The following FAAH2 variants were observed in gnomAD, a reference collection of about 807,000 sequenced individuals.
FAAH2 encodes the protein fatty-acid amide hydrolase 2.
In FAAH2, 60 loss-of-function variants were observed where a neutral mutation model predicts 36.9. The observed-to-expected ratio is 1.63, with a 90% CI of 1.32 to 2.02. The LOEUF (loss-of-function observed/expected upper bound fraction) is 2.02, where lower values mean the gene tolerates loss of function less well. Among genes scored for constraint, FAAH2 ranks in the 30% most tolerant of loss-of-function variants. The pLI, the probability that FAAH2 is intolerant of heterozygous loss-of-function variation, is 0.00. For missense variants in FAAH2, 689 were observed against 397.5 expected (o/e 1.73, Z -6.23); for synonymous variants, 214 against 143.8 (o/e 1.49, Z -3.49).
At chrX:57,455,691 G>A (rs2147200710) in intron 10 of FAAH2, among the ~76,000 whole-genome samples, 1 of 111,754 alleles carries the variant, frequency 8.9e-6, no homozygotes, top group South Asian at 3.7e-4. Context: ...ACCAGCAACG[G>A]TCATAAAAGA....
At chrX:57,137,488 G>T in the FAAH2 span, 15 of 253,793 alleles carry the variant, frequency 5.9e-5, no homozygotes, top group Non-Finnish European at 7.7e-5. Context: ...GCTGCCACCA[G>T]TCCCTGATGC....
At chrX:57,137,017 T>G in the FAAH2 span, 154 of 841,729 alleles carry the variant, frequency 1.8e-4, no homozygotes, top group African/African-American at 1.3e-3. Context: ...CACTTCCCTG[T>G]TACCTACCTC....
intron 7 of FAAH2, among the ~76,000 whole-genome samples, chrX:57,404,440 C>A (rs1204290649): frequency 2.7e-5 from 3 of 111,705 alleles, no homozygotes; most frequent in Admixed American, 1.9e-4. Flanking sequence ...TTGCTTTCAT[C>A]CTGATCTATT....
chrX:57,274,167 G>A, the FAAH2 span, among the ~76,000 whole-genome samples: 1 of 111,751 alleles, frequency 8.9e-6, no homozygotes, highest in East Asian at 2.8e-4. Flanking sequence ...TAGAAGAAAT[G>A]GATAAATCCC....
At chrX:57,435,385 C>T (rs1324237195) in intron 8 of FAAH2, among the ~76,000 whole-genome samples, 1 of 110,920 alleles carries the variant, frequency 9.0e-6, no homozygotes. Flanking sequence ...AAGTACTCTT[C>T]TAAAGAGAGA....
chrX:57,210,037 G>T, the FAAH2 span, among the ~76,000 whole-genome samples: 1 of 110,344 alleles, frequency 9.1e-6, no homozygotes, highest in Non-Finnish European at 1.9e-5. Flanking sequence ...TGCTGCCCCT[G>T]CCAGGGGTGA....
intron 10 of FAAH2, among the ~76,000 whole-genome samples, chrX:57,485,369 G>A (rs143665191): frequency 1.1e-3 from 121 of 111,225 alleles, no homozygotes; most frequent in Admixed American, 1.8e-3. Flanking sequence ...TCAAGCAGGG[G>A]CAGGGGAAGG....
chrX:57,287,552 A>G (rs1394469153), intron 1 of FAAH2, among the ~76,000 whole-genome samples: 4 of 112,305 alleles, frequency 3.6e-5, no homozygotes, highest in African/African-American at 6.5e-5. Context: ...AACATATTCT[A>G]TTTCACGGAT....
intron 7 of FAAH2, chrX:57,381,516 T>C: frequency 1.5e-6 from 1 of 670,705 alleles, no homozygotes; most frequent in Non-Finnish European, 1.8e-6. Context: ...AAAAGTAATT[T>C]TTAAACTACT....
chrX:57,396,626 T>C (rs1474212839), intron 7 of FAAH2, among the ~76,000 whole-genome samples: 1 of 111,722 alleles, frequency 9.0e-6, no homozygotes, highest in African/African-American at 3.2e-5. Flanking sequence ...TTAGTTCCCA[T>C]GTATTTGTGT....
the FAAH2 span, among the ~76,000 whole-genome samples, chrX:57,162,815 C>T: frequency 3.6e-5 from 4 of 112,265 alleles, no homozygotes; most frequent in Non-Finnish European, 7.5e-5. Flanking sequence ...AATGTCCTCC[C>T]GTAGCTCAGA....
intron 3 of FAAH2, among the ~76,000 whole-genome samples, chrX:57,329,736 G>A (rs1285469927): frequency 4.5e-5 from 5 of 110,787 alleles, no homozygotes; most frequent in African/African-American, 1.3e-4. Flanking sequence ...TAGTGGCAGG[G>A]TGTTGCAGGA....
chrX:57,439,429 G>A (rs1457282259), intron 8 of FAAH2, among the ~76,000 whole-genome samples: 154 of 111,422 alleles, frequency 1.4e-3, no homozygotes, highest in African/African-American at 4.7e-3. Context: ...CATATCCTTC[G>A]CCCACTTTTT....
the FAAH2 span, among the ~76,000 whole-genome samples, chrX:57,124,196 G>A: frequency 9.9e-5 from 11 of 110,928 alleles, no homozygotes; most frequent in East Asian, 5.6e-4. Flanking sequence ...TGTAAGGAAG[G>A]GATCCAGTTT....
chrX:57,292,408 T>C (rs1422649364), intron 1 of FAAH2, 90 bp from the exon 2 acceptor site: 1 of 804,698 alleles, frequency 1.2e-6, no homozygotes, highest in Non-Finnish European at 1.8e-6. Flanking sequence ...CAAAAAATGA[T>C]TAATGTACAT....
At chrX:57,434,986 G>GA (rs972393765) in intron 8 of FAAH2, among the ~76,000 whole-genome samples, 6 of 110,940 alleles carry the variant, frequency 5.4e-5, no homozygotes, top group Non-Finnish European at 1.1e-4. Context: ...ATTGCTGAAA[G>GA]AAAAAAATAC....
Position 57,310,744 on chromosome X carries a change from T to C in FAAH2, c.412+15T>C. 8.5e-7 allele frequency: 1 copy of C among 1,182,104 alleles called. No homozygotes were observed. Among genetic ancestry groups the C allele is most frequent in the Non-Finnish European group, 1.1e-6 (1 of 882,914 alleles). Reference sequence around the variant, plus strand: ...CCAGCTACAAGGTACTATTCTTTTATTTTTGGCTACATGAGTTTAATTCAC... The same window carrying C: ...CCAGCTACAAGGTACTATTCTTTTACTTTTGGCTACATGAGTTTAATTCAC... On this transcript the variant is annotated intron_variant, in intron 3 of 10. Transcript: ENST00000374900.
chrX:57,389,379 C>A (rs1166401105), intron 7 of FAAH2, among the ~76,000 whole-genome samples: 1 of 106,142 alleles, frequency 9.4e-6, no homozygotes, highest in Non-Finnish European at 1.9e-5. Context: ...ATTTCATCCC[C>A]TTACCCCACC....
chrX:57,162,726 A>C, the FAAH2 span, among the ~76,000 whole-genome samples: 1 of 111,778 alleles, frequency 8.9e-6, no homozygotes, highest in Non-Finnish European at 1.9e-5. Flanking sequence ...TCCTTTAAGC[A>C]CTTGTCTGTA....
Sources: allele counts gnomAD v4.1 joint callset (sites outside exome capture counted in the v4.1 genomes callset), GRCh38; gene constraint gnomAD v4.1.1; transcripts MANE v1.5; gene names NCBI Gene and HGNC (gene_info 2026-07-23, HGNC 2026-07-21).